The following CANX variants were observed in gnomAD, a reference collection of about 807,000 sequenced individuals.
CANX encodes the protein calnexin.
In CANX, 14 loss-of-function variants were observed where a neutral mutation model predicts 75.7. The observed-to-expected ratio is 0.19, with a 90% CI of 0.12 to 0.29. The LOEUF (loss-of-function observed/expected upper bound fraction) is 0.29. CANX is among the 10% of genes least tolerant of loss of function. The pLI, the probability that CANX is intolerant of heterozygous loss-of-function variation, is 1.00. For synonymous variants in CANX, 227 were observed against 236.9 expected, an observed-to-expected ratio of 0.96 and a Z score of 0.38; for missense variants, 567 against 713.2, an observed-to-expected ratio of 0.79 and a Z score of 2.34.
At chr5:179,690,328 C>A (rs1278443956) in intron 1 of CANX, among the ~76,000 whole-genome samples, 1 of 152,152 alleles carries the variant, frequency 6.6e-6, no homozygotes, top group Non-Finnish European at 1.5e-5. Context: ...GTAATCCCAG[C>A]ACTTTGGGAG....
In CANX at chr5:179,699,031, T is replaced by G; in HGVS notation, c.-75T>G. On this transcript the variant is annotated 5_prime_UTR_variant, in exon 1 of 15. Coordinates refer to ENST00000247461, the MANE Select transcript of CANX (RefSeq NM_001746.4). ...GTCGGGCCGCCTCCGCCTCTCTCTT[T>G]ACTGCGGCGCGGGGCAAGGTGTGCG... 9.0e-7 allele frequency: 1 copy of G among 1,106,942 alleles called. No homozygotes were observed. The highest frequency in any genetic ancestry group is 1.1e-6 in the Non-Finnish European group (1 of 900,740). The allele number at this position is 1,106,942 out of a possible 1,614,324, so 68.6% of individuals were successfully genotyped here.
intron 1 of CANX, among the ~76,000 whole-genome samples, chr5:179,689,537 G>A (rs951076782): frequency 1.3e-5 from 2 of 151,944 alleles, no homozygotes; most frequent in East Asian, 1.9e-4. Context: ...ATAGGCGTCC[G>A]CCACAATGCT....
At chr5:179,679,958 CTTTTTTTTTTTTTTT>C (rs34916199) in intron 1 of CANX, among the ~76,000 whole-genome samples, 2 of 59,376 alleles carry the variant, frequency 3.4e-5, no homozygotes, top group East Asian at 5.3e-4. Flanking sequence ...TGCGCCTGGC[CTTTTTTTTTTTTTTT>C]TTTTTTTTTT....
Position 179,728,858 on chromosome 5 carries a change from G to C in CANX, c.*214G>C. ...TAAAGGACCCTGTTTCTGTAGAAAAGAAAACATTTAACATAATGGTTGTGA... is the reference window on the plus strand; with the variant it reads ...TAAAGGACCCTGTTTCTGTAGAAAACAAAACATTTAACATAATGGTTGTGA... On this transcript the variant is annotated 3_prime_UTR_variant, in exon 15 of 15. Coordinates refer to ENST00000247461, the MANE Select transcript of CANX (RefSeq NM_001746.4). 1.6e-6 allele frequency: 1 copy of C among 629,082 alleles called. No homozygotes were observed. Among genetic ancestry groups the C allele is most frequent in the East Asian group, 3.1e-5 (1 of 31,800 alleles). The allele number at this position is 629,082 out of a possible 1,614,324, so 39.0% of individuals were successfully genotyped here.
At chr5:179,718,544 T>C (rs1398436358) in intron 8 of CANX, among the ~76,000 whole-genome samples, 1 of 145,598 alleles carries the variant, frequency 6.9e-6, no homozygotes. Context: ...TTCTTTTTTT[T>C]TGAGACGGAG....
At chr5:179,712,692 T>C (rs910841588) in intron 7 of CANX, among the ~76,000 whole-genome samples, 5 of 151,316 alleles carry the variant, frequency 3.3e-5, no homozygotes, top group Non-Finnish European at 7.4e-5. Flanking sequence ...CCCAAACTGC[T>C]GGGTTATAGG....
At chr5:179,685,178 AACCTCC>A (rs1776169182) in intron 1 of CANX, among the ~76,000 whole-genome samples, 1 of 151,952 alleles carries the variant, frequency 6.6e-6, no homozygotes, top group Non-Finnish European at 1.5e-5. Flanking sequence ...GGGTCACTGC[AACCTCC>A]GCCTCCTGGG....
chr5:179,680,905 C>T (rs1776047276), intron 1 of CANX: 1 of 1,536,720 alleles, frequency 6.5e-7, no homozygotes, highest in Non-Finnish European at 8.7e-7. Flanking sequence ...GAGATGGTCT[C>T]TGGAAGCCCA....
intron 2 of CANX, 152 bp downstream of exon 2, chr5:179,706,004 C>A (rs568444311): frequency 4.7e-5 from 30 of 644,476 alleles, no homozygotes; most frequent in Non-Finnish European, 8.1e-5. Flanking sequence ...GATATCATCT[C>A]TAATAAAATA....
At chr5:179,681,441 G>A (rs1455114894) in intron 1 of CANX, among the ~76,000 whole-genome samples, 3 of 152,164 alleles carry the variant, frequency 2.0e-5, no homozygotes, top group African/African-American at 7.2e-5. Context: ...AGGAGAAGGG[G>A]GTGAGGGAAG....
chr5:179,679,151 T>G, intron 1 of CANX: 1 of 1,535,508 alleles, frequency 6.5e-7, no homozygotes, highest in South Asian at 1.2e-5. Flanking sequence ...GGCGTGGACC[T>G]TGTAGGGCAC....
chr5:179,727,039 C>T (rs920851845), intron 14 of CANX, among the ~76,000 whole-genome samples: 1 of 152,162 alleles, frequency 6.6e-6, no homozygotes, highest in Non-Finnish European at 1.5e-5. Context: ...AAGGAAACTT[C>T]GGGTCATTAA....
At chr5:179,701,446 A>G (rs1776750226) in intron 1 of CANX, among the ~76,000 whole-genome samples, 1 of 151,570 alleles carries the variant, frequency 6.6e-6, no homozygotes, top group Admixed American at 6.6e-5. Flanking sequence ...AATACAGAAA[A>G]TTAACCTCCA....
intron 1 of CANX, chr5:179,699,753 C>G (rs1396205331): frequency 6.6e-6 from 1 of 152,274 alleles, no homozygotes; most frequent in Non-Finnish European, 1.5e-5. Flanking sequence ...CATCTCTTTC[C>G]ACACCGGAGG....
exon 1 of CANX, chr5:179,678,723 T>C: frequency 6.5e-7 from 1 of 1,536,996 alleles, no homozygotes; most frequent in South Asian, 1.2e-5. Flanking sequence ...AGCAAGTGCA[T>C]GCGCGCCATG....
intron 1 of CANX, chr5:179,699,681 A>G (rs1776603189): frequency 1.3e-5 from 2 of 152,272 alleles, no homozygotes; most frequent in South Asian, 4.1e-4. Context: ...GGAGGCGAGT[A>G]ATCCAGTTGG....
intron 7 of CANX, 28 bp from the exon 8 acceptor site, chr5:179,716,076 CT>C: frequency 6.7e-7 from 1 of 1,492,636 alleles, no homozygotes; most frequent in Non-Finnish European, 9.3e-7. Context: ...AAATTAAGTA[CT>C]TTTAATTCCA....
chr5:179,725,511 C>T (rs1177711291), intron 13 of CANX, among the ~76,000 whole-genome samples: 15 of 151,136 alleles, frequency 9.9e-5, no homozygotes, highest in Admixed American at 8.6e-4. Flanking sequence ...GAAACCCCAT[C>T]TCTACTAAAA....
chr5:179,707,263 G>T, intron 4 of CANX, 73 bp downstream of exon 4: 2 of 893,470 alleles, frequency 2.2e-6, no homozygotes, highest in Non-Finnish European at 3.8e-6. Flanking sequence ...CATTTCCTAA[G>T]ACTAGTTTAA....
Sources: allele counts gnomAD v4.1 joint callset (sites outside exome capture counted in the v4.1 genomes callset), GRCh38; gene constraint gnomAD v4.1.1; transcripts MANE v1.5; gene names NCBI Gene and HGNC (gene_info 2026-07-23, HGNC 2026-07-21).